Variants in PIBF1 observed in about 807,000 individuals in gnomAD.
The protein encoded by PIBF1 is progesterone-induced-blocking factor 1.
Under a neutral mutation model 112.5 loss-of-function variants are expected in PIBF1, and 90 were observed. The observed-to-expected ratio is 0.80, with a 90% CI of 0.67 to 0.95. The LOEUF is 0.95. Ranked by LOEUF, PIBF1 falls within the 40% of genes least tolerant of loss-of-function variation. PIBF1 has a pLI of 0.00. For missense variants in PIBF1, 915 were observed against 852.3 expected (o/e 1.07, Z -0.92); for synonymous variants, 301 against 288.6 (o/e 1.04, Z -0.44).
Position 73,005,233 on chromosome 13 carries a change from A to G in PIBF1, c.2223+6238A>G, listed in dbSNP as rs111635756. On this transcript the variant is annotated intron_variant, in intron 17 of 17. Coordinates refer to ENST00000326291, the MANE Select transcript of PIBF1 (RefSeq NM_006346.4). Reference sequence around the variant, plus strand: ...CTTATGTTATATGTATTTTACCACAATCTTCTTTTTAAAAACTTTTTAAAG... The same window carrying G: ...CTTATGTTATATGTATTTTACCACAGTCTTCTTTTTAAAAACTTTTTAAAG... Among the ~76,000 whole-genome samples the G allele has an allele frequency of 6.5e-3, 987 of 151,950 alleles. 19 individuals carry two copies. The highest frequency in any genetic ancestry group is 0.022 in the African/African-American group (917 of 41,456).
intron 6 of PIBF1, among the ~76,000 whole-genome samples, chr13:72,824,337 C>T (rs2036702553): frequency 6.6e-6 from 1 of 152,030 alleles, no homozygotes; most frequent in African/African-American, 2.4e-5. Context: ...CTTCTAATTC[C>T]AATTCAACAC....
At chr13:72,975,053 AC>A (rs2042985879) in intron 16 of PIBF1, among the ~76,000 whole-genome samples, 1 of 148,430 alleles carries the variant, frequency 6.7e-6, no homozygotes, top group African/African-American at 2.5e-5. Flanking sequence ...AGAAAAAGAA[AC>A]TTTTTTTTTT....
intron 8 of PIBF1, among the ~76,000 whole-genome samples, chr13:72,832,725 G>A (rs1180531685): frequency 6.6e-6 from 1 of 152,040 alleles, no homozygotes; most frequent in Non-Finnish European, 1.5e-5. Flanking sequence ...TTCAACCTTG[G>A]CGAATCTGAC....
chr13:73,009,083 G>A (rs1223822425), intron 17 of PIBF1, among the ~76,000 whole-genome samples: 1 of 152,148 alleles, frequency 6.6e-6, no homozygotes, highest in East Asian at 1.9e-4. Flanking sequence ...TGTGGCATCT[G>A]TTCTTAGAAT....
At chr13:72,917,948 C>A (rs2041157816) in intron 13 of PIBF1, among the ~76,000 whole-genome samples, 1 of 152,108 alleles carries the variant, frequency 6.6e-6, no homozygotes, top group Admixed American at 6.5e-5. Flanking sequence ...TTTTGGTATC[C>A]ACAGGAGGTG....
chr13:72,794,598 A>G (rs2035097493), intron 3 of PIBF1, among the ~76,000 whole-genome samples: 1 of 152,178 alleles, frequency 6.6e-6, no homozygotes, highest in African/African-American at 2.4e-5. Context: ...TGTTCTCATG[A>G]TAGTGAATAA....
chr13:72,967,719 G>T (rs1026490861), intron 15 of PIBF1, among the ~76,000 whole-genome samples: 1 of 151,972 alleles, frequency 6.6e-6, no homozygotes, highest in Non-Finnish European at 1.5e-5. Context: ...ATATATCAGG[G>T]TTTGCTATTA....
chr13:72,977,281 C>T (rs1301547115), intron 16 of PIBF1, among the ~76,000 whole-genome samples: 3 of 152,106 alleles, frequency 2.0e-5, no homozygotes, highest in African/African-American at 4.8e-5. Flanking sequence ...TTCGGCTCAG[C>T]GCAACCTCCA....
At chr13:72,960,350 G>A (rs539825107) in intron 14 of PIBF1, among the ~76,000 whole-genome samples, 1 of 152,188 alleles carries the variant, frequency 6.6e-6, no homozygotes, top group Non-Finnish European at 1.5e-5. Context: ...GGTCGAGGCT[G>A]CAGTGAGCTG....
At chr13:72,913,719 G>A (rs1028147550) in intron 12 of PIBF1, among the ~76,000 whole-genome samples, 2 of 151,300 alleles carry the variant, frequency 1.3e-5, no homozygotes, top group Non-Finnish European at 2.9e-5. Context: ...CTGTGTTCAC[G>A]CCACTGCACT....
chr13:72,830,686 T>C (rs1171696851), intron 8 of PIBF1, among the ~76,000 whole-genome samples: 4 of 152,194 alleles, frequency 2.6e-5, no homozygotes, highest in Admixed American at 2.6e-4. Context: ...CAGTATTTTA[T>C]TGAGGATTTT....
rs977563725 is a variant in PIBF1 at position 73,013,157 on chromosome 13, C to T, written c.2224-2712C>T. On this transcript the variant is annotated intron_variant, in intron 17 of 17. Coordinates refer to ENST00000326291, the MANE Select transcript of PIBF1 (RefSeq NM_006346.4). ...TCTACTAAAAATACAAAAAATTAGCCGGGCGTGGTGGCGGGCACCTGTAGT... is the reference window on the plus strand; with the variant it reads ...TCTACTAAAAATACAAAAAATTAGCTGGGCGTGGTGGCGGGCACCTGTAGT... Among the ~76,000 whole-genome samples the T allele has an allele frequency of 1.7e-4, 26 of 151,504 alleles. No individual in the cohort carries two copies. In the East Asian group the frequency reaches 3.5e-3, roughly 20 times the overall value.
intron 10 of PIBF1, among the ~76,000 whole-genome samples, chr13:72,863,042 T>G (rs1310132279): frequency 6.6e-6 from 1 of 152,190 alleles, no homozygotes; most frequent in Non-Finnish European, 1.5e-5. Flanking sequence ...ATATATAATG[T>G]TCTCAGATTT....
intron 5 of PIBF1, among the ~76,000 whole-genome samples, chr13:72,802,833 C>A (rs770189226): frequency 6.6e-6 from 1 of 151,636 alleles, no homozygotes; most frequent in Non-Finnish European, 1.5e-5. Flanking sequence ...AGAAGGAAGA[C>A]CACAGCTTGA....
In PIBF1 at chr13:72,965,288, T is replaced by A. The variant is rs776931356; in HGVS notation, c.1848T>A (p.Asn616Lys). 26 of 1,610,080 alleles carry A rather than the reference T, an allele frequency of 1.6e-5. No individual in the cohort carries two copies. The highest frequency in any genetic ancestry group is 2.0e-5 in the Non-Finnish European group (23 of 1,178,732). Residue 616 changes from asparagine (N) to lysine (K), a missense_variant, in exon 15 of 18, where the codon AAT becomes AAA. By Grantham distance (94) the Asn-to-Lys change is moderately conservative. Transcript: ENST00000326291. ...TQLSQELDRANSLLNQTQQPY... is the reference protein window; with the variant it reads ...TQLSQELDRAKSLLNQTQQPY... ...TGTTTCTTTAGCTTGACAGAGCCAA[T>A]TCGCTATTAAACCAGACTCAACAGC...
At chr13:72,876,365 G>A (rs1354272500) in intron 10 of PIBF1, among the ~76,000 whole-genome samples, 1 of 151,900 alleles carries the variant, frequency 6.6e-6, no homozygotes, top group Non-Finnish European at 1.5e-5. Flanking sequence ...GTTGGATAGT[G>A]TCAGTCTGCT....
chr13:72,864,706 T>C (rs2038850791), intron 10 of PIBF1, among the ~76,000 whole-genome samples: 1 of 152,126 alleles, frequency 6.6e-6, no homozygotes, highest in Non-Finnish European at 1.5e-5. Flanking sequence ...AATCAACTCA[T>C]AAAAACTAAA....
intron 13 of PIBF1, among the ~76,000 whole-genome samples, chr13:72,922,981 T>C (rs567515999): frequency 1.2e-4 from 19 of 152,304 alleles, no homozygotes; most frequent in African/African-American, 4.1e-4. Flanking sequence ...CTTAAGCTTT[T>C]TGAAAGTGGG....
chr13:72,893,597 G>T (rs1401243804), intron 10 of PIBF1, among the ~76,000 whole-genome samples, 187 bp from the exon 11 acceptor site: 1 of 152,046 alleles, frequency 6.6e-6, no homozygotes, highest in Non-Finnish European at 1.5e-5. Flanking sequence ...TAATTGATAT[G>T]TTCACTGTAA....
Sources: allele counts gnomAD v4.1 joint callset (sites outside exome capture counted in the v4.1 genomes callset), GRCh38; gene constraint gnomAD v4.1.1; transcripts MANE v1.5; gene names NCBI Gene and HGNC (gene_info 2026-07-23, HGNC 2026-07-21).